Variants in RIMS1 observed in about 807,000 individuals in gnomAD.
RIMS1 encodes regulating synaptic membrane exocytosis protein 1.
A neutral mutation model predicts 214.1 loss-of-function variants in RIMS1; 83 were observed. The observed-to-expected ratio is 0.39, with a 90% CI of 0.32 to 0.47. The LOEUF (loss-of-function observed/expected upper bound fraction) is 0.47, where lower values mean the gene tolerates loss of function less well. Ranked by LOEUF, RIMS1 falls within the 20% of genes least tolerant of loss-of-function variation. RIMS1 has a pLI of 0.99. For synonymous variants in RIMS1, 793 were observed against 786.8 expected (o/e 1.01, Z -0.13); for missense variants, 2,050 against 2,161.8 (o/e 0.95, Z 1.03).
intron 26 of RIMS1, among the ~76,000 whole-genome samples, chr6:72,305,989 A>G (rs1461088331): frequency 2.0e-5 from 3 of 152,194 alleles, no homozygotes; most frequent in Non-Finnish European, 2.9e-5. Flanking sequence ...CTTGAACACA[A>G]TAAAAGTTAC....
At chr6:72,391,346 C>A (rs954953318) in intron 30 of RIMS1, among the ~76,000 whole-genome samples, 3 of 146,058 alleles carry the variant, frequency 2.1e-5, no homozygotes, top group Non-Finnish European at 4.5e-5. Context: ...CTTTTCGATT[C>A]TTTTTCTTTT....
intron 2 of RIMS1, among the ~76,000 whole-genome samples, chr6:71,992,158 C>G (rs1354078063): frequency 6.6e-6 from 1 of 152,122 alleles, no homozygotes. Context: ...TAATTCAGCT[C>G]CCTTGCATGA....
chr6:71,909,606 C>T (rs1255292895), intron 1 of RIMS1, among the ~76,000 whole-genome samples: 3 of 151,968 alleles, frequency 2.0e-5, no homozygotes, highest in Admixed American at 6.6e-5. Context: ...AATGTTTTGG[C>T]GCTGGCTTGC....
intron 30 of RIMS1, among the ~76,000 whole-genome samples, chr6:72,391,847 T>C (rs909880850): frequency 6.6e-6 from 1 of 152,230 alleles, no homozygotes; most frequent in African/African-American, 2.4e-5. Context: ...CTTGAACACA[T>C]CATTTTCTGA....
At chr6:72,321,569 C>T (rs2096166858) in intron 28 of RIMS1, among the ~76,000 whole-genome samples, 1 of 152,004 alleles carries the variant, frequency 6.6e-6, no homozygotes, top group Non-Finnish European at 1.5e-5. Flanking sequence ...GTTCCCAAAT[C>T]AAAGAACTGG....
chr6:72,273,033 T>TG (rs1387821661), intron 22 of RIMS1, among the ~76,000 whole-genome samples: 1 of 152,178 alleles, frequency 6.6e-6, no homozygotes, highest in African/African-American at 2.4e-5. Flanking sequence ...TTTTATCTTC[T>TG]GCTCAAAATC....
At chr6:72,096,673 T>C (rs1001787002) in intron 2 of RIMS1, among the ~76,000 whole-genome samples, 1 of 152,202 alleles carries the variant, frequency 6.6e-6, no homozygotes, top group Admixed American at 6.5e-5. Flanking sequence ...AGGCATGGAA[T>C]AGATACTCAA....
At chr6:72,057,110 C>A (rs1404229309) in intron 2 of RIMS1, among the ~76,000 whole-genome samples, 1 of 152,076 alleles carries the variant, frequency 6.6e-6, no homozygotes, top group Non-Finnish European at 1.5e-5. Context: ...AACAAACCCC[C>A]ATGACACAAG....
intron 1 of RIMS1, among the ~76,000 whole-genome samples, chr6:71,888,063 C>T (rs1582827726): frequency 1.3e-5 from 2 of 152,164 alleles, no homozygotes; most frequent in South Asian, 4.1e-4. Context: ...CTGTCTGATG[C>T]CCCATTTTCC....
At chr6:71,984,799 A>G (rs1417905628) in intron 2 of RIMS1, among the ~76,000 whole-genome samples, 2 of 151,722 alleles carry the variant, frequency 1.3e-5, no homozygotes, top group Non-Finnish European at 2.9e-5. Context: ...CTATCTATCT[A>G]TCTATCTATC....
chr6:72,183,497 T>G (rs1463641751), intron 6 of RIMS1, among the ~76,000 whole-genome samples: 2 of 140,562 alleles, frequency 1.4e-5, no homozygotes, highest in Non-Finnish European at 3.0e-5. Context: ...AAAATGAAAA[T>G]TATGCCTTAT....
chr6:72,065,835 A>G (rs969841020), intron 2 of RIMS1, among the ~76,000 whole-genome samples: 2 of 152,046 alleles, frequency 1.3e-5, no homozygotes, highest in African/African-American at 4.8e-5. Flanking sequence ...TTTTAACCAG[A>G]TATGCTATAT....
chr6:72,250,569 G>C, intron 13 of RIMS1, 109 bp downstream of exon 13: 3 of 738,010 alleles, frequency 4.1e-6, no homozygotes, highest in Non-Finnish European at 4.1e-6. Context: ...ATTCTGAGGA[G>C]ATAAAAGTAC....
intron 1 of RIMS1, among the ~76,000 whole-genome samples, chr6:71,895,649 G>A (rs867192533): frequency 1.6e-4 from 23 of 139,494 alleles, no homozygotes; most frequent in Middle Eastern, 8.1e-3. Flanking sequence ...ACTCCAGCCT[G>A]GGTGATAGAG....
intron 29 of RIMS1, among the ~76,000 whole-genome samples, chr6:72,387,295 C>T (rs1012900733): frequency 7.2e-5 from 11 of 152,206 alleles, no homozygotes; most frequent in Non-Finnish European, 1.3e-4. Context: ...ATTTAATGTT[C>T]CTGCAATTTC....
chr6:72,052,007 G>C (rs1824838007), intron 2 of RIMS1, among the ~76,000 whole-genome samples: 1 of 152,106 alleles, frequency 6.6e-6, no homozygotes, highest in South Asian at 2.1e-4. Flanking sequence ...CACTCTTCAT[G>C]ATATATTATG....
intron 26 of RIMS1, among the ~76,000 whole-genome samples, chr6:72,295,653 A>G (rs2093991210): frequency 6.6e-6 from 1 of 151,814 alleles, no homozygotes; most frequent in South Asian, 2.1e-4. Flanking sequence ...AAAAGGAAAG[A>G]AAAAATAATA....
chr6:72,124,987 G>A (rs775293766), intron 4 of RIMS1, among the ~76,000 whole-genome samples: 14 of 152,068 alleles, frequency 9.2e-5, no homozygotes, highest in Admixed American at 2.0e-4. Flanking sequence ...CTGTCAACTC[G>A]TCAAAGTCAT....
At chr6:71,945,515 A>G (rs1314879805) in intron 1 of RIMS1, among the ~76,000 whole-genome samples, 1 of 152,292 alleles carries the variant, frequency 6.6e-6, no homozygotes, top group African/African-American at 2.4e-5. Context: ...TATTGAATAC[A>G]TGAACACAAT....
Sources: gnomAD v4.1 joint callset for allele counts (sites outside exome capture counted in the v4.1 genomes callset) on GRCh38, gnomAD v4.1.1 for gene constraint, MANE v1.5 for transcripts, NCBI Gene and HGNC (gene_info 2026-07-23, HGNC 2026-07-21) for gene names.